The following PSPC1 variants were observed in gnomAD, a reference collection of about 807,000 sequenced individuals.
The protein encoded by PSPC1 is paraspeckle component 1.
A neutral mutation model predicts 51.6 loss-of-function variants in PSPC1; 14 were observed. That is an observed-to-expected ratio of 0.27 (90% confidence interval 0.18 to 0.42). PSPC1 has a LOEUF of 0.42. Ranked by LOEUF, PSPC1 falls within the 10% of genes least tolerant of loss-of-function variation. The pLI is 1.00. For synonymous variants in PSPC1, 193 were observed against 231.9 expected (o/e 0.83, Z 1.53); for missense variants, 406 against 701.1 (o/e 0.58, Z 4.75).
At chr13:19,703,811 C>T (rs9579665) in intron 8 of PSPC1, among the ~76,000 whole-genome samples, 3 of 152,016 alleles carry the variant, frequency 2.0e-5, no homozygotes, top group Admixed American at 6.6e-5. Context: ...AAAAAATCTT[C>T]ACATCAATTC....
chr13:19,739,615 C>T (rs1885209467), intron 5 of PSPC1, among the ~76,000 whole-genome samples: 1 of 151,990 alleles, frequency 6.6e-6, no homozygotes, highest in Non-Finnish European at 1.5e-5. Flanking sequence ...GGCATGGTGG[C>T]GCAAGCCTGT....
chr13:19,677,678 A>ATCCTT, intron 7 of PSPC1: 1 of 415,872 alleles, frequency 2.4e-6, no homozygotes, highest in Admixed American at 3.3e-5. Context: ...GGAAGAAACG[A>ATCCTT]ATACTCAAGG....
At chr13:19,775,118 C>A (rs932749154) in intron 1 of PSPC1, among the ~76,000 whole-genome samples, 2 of 152,070 alleles carry the variant, frequency 1.3e-5, no homozygotes, top group Non-Finnish European at 2.9e-5. Context: ...GCGGGCAGAT[C>A]ACGAGGTCAG....
chr13:19,728,437 TAA>T lies in PSPC1; in HGVS notation c.1158+1800_1158+1801del, dbSNP rs888531802. 1.9e-4 allele frequency among the ~76,000 whole-genome samples: 16 copies of T among 83,760 alleles called. No individual in the cohort carries two copies. In the South Asian group the frequency reaches 4.7e-3, roughly 24 times the overall value. 54.9% of individuals were successfully genotyped at this position (83,760 alleles called of 152,430 possible). A position where few individuals can be genotyped will look rare whatever the true frequency, so the allele number is the denominator to read the frequency against. ...CATAAGAGGGCCTAATTTCAAAGCT[TAA>T]ACACACACACACACACACACACACA... On this transcript the variant is annotated intron_variant, in intron 6 of 8. Transcript: ENST00000338910.
At chr13:19,755,481 G>A (rs1294851764) in intron 3 of PSPC1, among the ~76,000 whole-genome samples, 1 of 151,888 alleles carries the variant, frequency 6.6e-6, no homozygotes, top group African/African-American at 2.4e-5. Flanking sequence ...TCAGCTACTT[G>A]GGAGGCTGAG....
chr13:19,768,193 T>C (rs1009119082), intron 2 of PSPC1, among the ~76,000 whole-genome samples: 2 of 148,104 alleles, frequency 1.4e-5, no homozygotes, highest in African/African-American at 5.0e-5. Flanking sequence ...CCACTGCACT[T>C]TGGCCTGAGT....
intron 2 of PSPC1, among the ~76,000 whole-genome samples, chr13:19,770,959 TTTATTA>T (rs1305564549): frequency 6.6e-6 from 1 of 151,916 alleles, no homozygotes; most frequent in African/African-American, 2.4e-5. Context: ...CTTTTATTAT[TTTATTA>T]TTATTTTTAA....
chr13:19,781,167 G>T (rs1035245678), intron 1 of PSPC1, among the ~76,000 whole-genome samples: 1 of 148,532 alleles, frequency 6.7e-6, no homozygotes. Context: ...AAAAAAAGGC[G>T]TAAACCTTAG....
chr13:19,673,092 T>A (rs1333005241), downstream of PSPC1: 2 of 355,644 alleles, frequency 5.6e-6, no homozygotes, highest in South Asian at 3.3e-5. Flanking sequence ...TATACGGTTT[T>A]TTTTTGTTTT....
At chr13:19,671,334 G>C (rs1876115467), downstream of PSPC1, 1 of 1,536,846 alleles carries the variant, frequency 6.5e-7, no homozygotes, top group South Asian at 1.1e-5. Context: ...TCAAGTTGTT[G>C]CTCCAGATTA....
chr13:19,760,231 C>A (rs999451315), intron 2 of PSPC1, among the ~76,000 whole-genome samples: 2 of 152,062 alleles, frequency 1.3e-5, no homozygotes, highest in Admixed American at 1.3e-4. Flanking sequence ...TCAGAAAGTT[C>A]TTAAAAATGT....
At chr13:19,753,161 C>T (rs9508873) in intron 3 of PSPC1, among the ~76,000 whole-genome samples, 137,916 of 151,580 alleles carry the variant, frequency 0.91, 64,121 homozygotes, top group Non-Finnish European at 1. Context: ...CGGGTGCCTG[C>T]GATCCCAGCT....
rs1210659611 is a variant in PSPC1, at chr13:19,702,845, A to G, written c.*330T>C. 1 of 179,008 alleles carries G rather than the reference A, an allele frequency of 5.6e-6. No homozygotes were observed. Among genetic ancestry groups the G allele is most frequent in the Non-Finnish European group, 1.2e-5 (1 of 83,742 alleles). 11.1% of individuals were successfully genotyped at this position (179,008 alleles called of 1,614,324 possible). A position where few individuals can be genotyped will look rare whatever the true frequency, so the allele number is the denominator to read the frequency against. On this transcript the variant is annotated 3_prime_UTR_variant, in exon 9 of 9. Transcript: ENST00000338910. ...TTACAGCAAAGTTTAGTAAGACCGT[A>G]AGAGAATACCACTAATAACAGTTTT...
At chr13:19,703,681 T>A (rs1880250051) in intron 8 of PSPC1, among the ~76,000 whole-genome samples, 1 of 152,214 alleles carries the variant, frequency 6.6e-6, no homozygotes, top group African/African-American at 2.4e-5. Flanking sequence ...TGATTCCTTT[T>A]TTCAAAAGTT....
At chr13:19,690,316 A>T (rs965040910) in intron 6 of PSPC1, among the ~76,000 whole-genome samples, 1 of 152,264 alleles carries the variant, frequency 6.6e-6, no homozygotes, top group Non-Finnish European at 1.5e-5. Flanking sequence ...TAGAAACTAT[A>T]TATGGATAAT....
intron 6 of PSPC1, among the ~76,000 whole-genome samples, chr13:19,718,205 T>C (rs1882357003): frequency 6.6e-6 from 1 of 152,222 alleles, no homozygotes; most frequent in Admixed American, 6.5e-5. Context: ...CAATATATGT[T>C]ATTCGCTGCT....
intron 2 of PSPC1, among the ~76,000 whole-genome samples, chr13:19,764,850 C>T (rs1372249798): frequency 2.0e-5 from 3 of 152,066 alleles, no homozygotes; most frequent in Admixed American, 6.6e-5. Flanking sequence ...CCTCCCACCT[C>T]AGCCTCCCAC....
chr13:19,765,403 AG>A (rs551329317), intron 2 of PSPC1, among the ~76,000 whole-genome samples: 30 of 149,340 alleles, frequency 2.0e-4, no homozygotes, highest in Non-Finnish European at 3.4e-4. Context: ...TTTATGATGG[AG>A]AAAAAATAAA....
intron 6 of PSPC1, 111 bp downstream of exon 6, chr13:19,730,128 T>C (rs1005219776): frequency 1.9e-5 from 15 of 791,794 alleles, no homozygotes; most frequent in African/African-American, 1.4e-4. Flanking sequence ...ACATGATGAA[T>C]TTAGAAAGAT....
Sources: allele counts gnomAD v4.1 joint callset (sites outside exome capture counted in the v4.1 genomes callset), GRCh38; gene constraint gnomAD v4.1.1; transcripts MANE v1.5; gene names NCBI Gene and HGNC (gene_info 2026-07-23, HGNC 2026-07-21).